The following IRAK3 variants were observed in gnomAD, a reference collection of about 807,000 sequenced individuals.
The protein encoded by IRAK3 is interleukin-1 receptor-associated kinase 3.
IRAK3 carries 57 observed loss-of-function variants against 56.6 expected under a neutral mutation model. The ratio of observed to expected loss-of-function variants is 1.01; its 90% confidence interval spans 0.81 to 1.26. The LOEUF is 1.26. IRAK3 is among the 50% of genes most tolerant of loss of function. The pLI, the probability that IRAK3 is intolerant of heterozygous loss-of-function variation, is 0.00. For missense variants in IRAK3, 703 were observed against 719.0 expected, an observed-to-expected ratio of 0.98 and a Z score of 0.25; for synonymous variants, 258 against 255.7, an observed-to-expected ratio of 1.01 and a Z score of -0.09.
intron 2 of IRAK3, 149 bp downstream of exon 2, chr12:66,204,042 G>A (rs1217437336): frequency 1.5e-6 from 1 of 685,264 alleles, no homozygotes; most frequent in Non-Finnish European, 2.5e-6. Context: ...GGACTTTCCA[G>A]CTTCACATTT....
intron 6 of IRAK3, among the ~76,000 whole-genome samples, chr12:66,223,818 A>C (rs1396773910): frequency 6.6e-6 from 1 of 150,706 alleles, no homozygotes; most frequent in South Asian, 2.1e-4. Context: ...GGTTCACGCC[A>C]TTCTTCTGCC....
intron 1 of IRAK3, among the ~76,000 whole-genome samples, chr12:66,192,505 C>T (rs2052408722): frequency 6.6e-6 from 1 of 152,138 alleles, no homozygotes; most frequent in African/African-American, 2.4e-5. Flanking sequence ...TTATTTGGAG[C>T]AGCTGACACC....
chr12:66,209,623 A>G (rs1485993903), intron 3 of IRAK3, 103 bp downstream of exon 3: 7 of 777,718 alleles, frequency 9.0e-6, no homozygotes, highest in South Asian at 6.9e-5. Flanking sequence ...ATTTGCCGGC[A>G]CTTTTTAAAA....
intron 8 of IRAK3, among the ~76,000 whole-genome samples, chr12:66,241,710 A>T (rs781583444): frequency 1.4e-4 from 22 of 152,176 alleles, no homozygotes; most frequent in Non-Finnish European, 2.8e-4. Flanking sequence ...CTTTTCACCG[A>T]TTGTCATTAT....
intron 6 of IRAK3, among the ~76,000 whole-genome samples, chr12:66,217,539 C>T (rs527376784): frequency 1.9e-4 from 29 of 152,244 alleles, no homozygotes; most frequent in African/African-American, 7.0e-4. Flanking sequence ...TATATTTCAC[C>T]ATTTCCTCCT....
intron 8 of IRAK3, among the ~76,000 whole-genome samples, chr12:66,231,657 G>A (rs886769447): frequency 5.3e-5 from 8 of 152,194 alleles, no homozygotes; most frequent in East Asian, 1.9e-4. Flanking sequence ...TGAAAGAAGC[G>A]GAGAGAATAT....
At chr12:66,223,998 T>C (rs2052761857) in intron 6 of IRAK3, among the ~76,000 whole-genome samples, 1 of 152,160 alleles carries the variant, frequency 6.6e-6, no homozygotes. Context: ...CAACAGCTTG[T>C]CTAGGTTTCA....
chr12:66,233,808 C>A (rs2052871750), intron 8 of IRAK3, among the ~76,000 whole-genome samples: 1 of 113,306 alleles, frequency 8.8e-6, no homozygotes, highest in Non-Finnish European at 1.8e-5. Context: ...TGCATCATAA[C>A]ATTTGATAAA....
intron 8 of IRAK3, among the ~76,000 whole-genome samples, chr12:66,241,658 A>G (rs2052971463): frequency 6.6e-6 from 1 of 152,234 alleles, no homozygotes; most frequent in African/African-American, 2.4e-5. Flanking sequence ...ACTGGACTCA[A>G]AATTTATGTT....
In IRAK3 at chr12:66,248,643, A is replaced by G. The variant is rs11465989; in HGVS notation, c.*472A>G. On this transcript the variant is annotated 3_prime_UTR_variant, in exon 12 of 12. Transcript: ENST00000261233. Reference sequence around the variant, plus strand: ...ATGTTAATAGATACCTTTGGAAAGAATCACCTTGTTATTCTGATTGACCCC... The same window carrying G: ...ATGTTAATAGATACCTTTGGAAAGAGTCACCTTGTTATTCTGATTGACCCC... 0.026 allele frequency: 3,930 copies of G among 153,158 alleles called. 67 individuals are homozygous for G. Among genetic ancestry groups the G allele is most frequent in the Non-Finnish European group, 0.036 (2,460 of 68,582 alleles). The allele number at this position is 153,158 out of a possible 1,614,324, so 9.5% of individuals were successfully genotyped here. A position where few individuals can be genotyped will look rare whatever the true frequency, so the allele number is the denominator to read the frequency against.
At chr12:66,234,896 G>T in intron 8 of IRAK3, 2 of 1,614,114 alleles carry the variant, frequency 1.2e-6, no homozygotes, top group Non-Finnish European at 1.7e-6. Context: ...CTGTTGCTTT[G>T]CCATTTGAGC....
At chr12:66,204,709 C>T (rs763951448) in intron 2 of IRAK3, among the ~76,000 whole-genome samples, 26 of 151,760 alleles carry the variant, frequency 1.7e-4, no homozygotes, top group Middle Eastern at 3.4e-3. Flanking sequence ...TTTCATAGAT[C>T]GCATTTTTAG....
chr12:66,235,492 C>G lies in IRAK3; in HGVS notation c.887+7122C>G, dbSNP rs1152907. On this transcript the variant is annotated intron_variant, in intron 8 of 11. Transcript: ENST00000261233. ...TCCGCACTCGTCTAAAAGTGCGGCGCGGCGCGGGGCGAGACTCGAGCAGCT... is the reference window on the plus strand; with the variant it reads ...TCCGCACTCGTCTAAAAGTGCGGCGGGGCGCGGGGCGAGACTCGAGCAGCT... Among the ~76,000 whole-genome samples the G allele has an allele frequency of 5.1e-3, 767 of 151,454 alleles. 9 individuals carry two copies. The highest frequency in any genetic ancestry group is 0.018 in the African/African-American group (724 of 41,362).
chr12:66,234,419 A>G (rs2052880089), intron 8 of IRAK3: 5 of 1,611,146 alleles, frequency 3.1e-6, no homozygotes, highest in East Asian at 2.2e-5. Context: ...AGGAGATACA[A>G]TATAGGGTGT....
intron 1 of IRAK3, among the ~76,000 whole-genome samples, chr12:66,192,569 A>G (rs1045067196): frequency 2.0e-5 from 3 of 152,204 alleles, no homozygotes; most frequent in Non-Finnish European, 4.4e-5. Context: ...TGCAAATGAT[A>G]TATAATAGGC....
rs551952047 is a variant in IRAK3 at position 66,192,715 on chromosome 12, GTAA to G, written c.133+3293_133+3295del. ...TCAATAAAGATTCAAAATAATAGTAGTAATAATAATAAAGCTACCTCCTGTCAA... is the reference window on the plus strand; with the variant it reads ...TCAATAAAGATTCAAAATAATAGTAGTAATAATAAAGCTACCTCCTGTCAA... On this transcript the variant is annotated intron_variant, in intron 1 of 11. Coordinates refer to ENST00000261233, the MANE Select transcript of IRAK3 (RefSeq NM_007199.3). Among the ~76,000 whole-genome samples, 372 of 152,134 alleles carry G rather than the reference GTAA, an allele frequency of 2.4e-3. 2 individuals carry two copies. Among genetic ancestry groups the G allele is most frequent in the African/African-American group, 8.8e-3 (366 of 41,494 alleles).
chr12:66,205,976 T>C (rs2052554358), intron 2 of IRAK3, among the ~76,000 whole-genome samples: 1 of 152,212 alleles, frequency 6.6e-6, no homozygotes, highest in Non-Finnish European at 1.5e-5. Flanking sequence ...ATTATATTTC[T>C]GGCATGCATG....
chr12:66,222,611 T>C (rs952200655), intron 6 of IRAK3, among the ~76,000 whole-genome samples: 1 of 152,138 alleles, frequency 6.6e-6, no homozygotes, highest in Admixed American at 6.5e-5. Flanking sequence ...AATAATCCTT[T>C]TATATATTTA....
At position 66,244,971 on chromosome 12, in the gene IRAK3, A is replaced by G. The variant is rs752165222; in HGVS notation, c.1110A>G (p.Gly370=). Residue 370 remains glycine, a synonymous_variant, in exon 10 of 12, where the codon GGA becomes GGG. Transcript: ENST00000261233. ...FGIVIMEVLT[G]CRVVLDDPKH... Reference sequence around the variant, plus strand: ...AGGTAATAATGGAAGTTCTAACAGGATGTAGAGTAGTGTTAGATGATCCAA... The same window carrying G: ...AGGTAATAATGGAAGTTCTAACAGGGTGTAGAGTAGTGTTAGATGATCCAA... 62 of 1,613,116 alleles carry G rather than the reference A, an allele frequency of 3.8e-5. No individual in the cohort carries two copies. Among genetic ancestry groups the G allele is most frequent in the Non-Finnish European group, 5.2e-5 (61 of 1,179,144 alleles).
Sources: gnomAD v4.1 joint callset for allele counts (sites outside exome capture counted in the v4.1 genomes callset) on GRCh38, gnomAD v4.1.1 for gene constraint, MANE v1.5 for transcripts, NCBI Gene and HGNC (gene_info 2026-07-23, HGNC 2026-07-21) for gene names.